OTOF: variants seen among roughly 807,000 people sequenced by gnomAD.
The protein encoded by OTOF is fer-1-like family member 2.
In OTOF, 218 loss-of-function variants were observed where a neutral mutation model predicts 236.8. The ratio of observed to expected loss-of-function variants is 0.92; its 90% CI spans 0.82 to 1.03. OTOF has a LOEUF of 1.03. OTOF is among the 50% of genes least tolerant of loss of function. The pLI is 0.00. For synonymous variants in OTOF, 1,041 were observed against 1,072.5 expected, an observed-to-expected ratio of 0.97 and a Z score of 0.57; for missense variants, 2,590 against 2,694.4, an observed-to-expected ratio of 0.96 and a Z score of 0.86.
chr2:26,511,469 A>G (rs900889459), intron 5 of OTOF, among the ~76,000 whole-genome samples: 5 of 152,242 alleles, frequency 3.3e-5, no homozygotes, highest in African/African-American at 1.2e-4. Context: ...AAGACAGGAA[A>G]GTGAATAACA....
At chr2:26,474,145 A>G in intron 26 of OTOF, 35 bp from the exon 27 acceptor site, 1 of 1,612,190 alleles carries the variant, frequency 6.2e-7, no homozygotes, top group Non-Finnish European at 8.5e-7. Flanking sequence ...CACACTGGGG[A>G]GCCCAGGGAC....
chr2:26,516,933 C>A (rs970568669), intron 4 of OTOF, among the ~76,000 whole-genome samples: 1 of 152,154 alleles, frequency 6.6e-6, no homozygotes, highest in Non-Finnish European at 1.5e-5. Flanking sequence ...TCTACATAAC[C>A]GAGAGTGTCG....
intron 8 of OTOF, among the ~76,000 whole-genome samples, chr2:26,496,651 A>T (rs1665994292): frequency 6.6e-6 from 1 of 152,050 alleles, no homozygotes; most frequent in African/African-American, 2.4e-5. Context: ...CCGAACCCTC[A>T]TTTTAAGCCA....
Position 26,482,518 on chromosome 2 carries a change from G to A in OTOF, c.1467C>T (p.Pro489=). The A allele has an allele frequency of 1.9e-6, 3 of 1,613,390 alleles. No homozygotes were observed. In the South Asian group the frequency reaches 3.3e-5, roughly 18 times the overall value. The part of the protein sequence containing the change: ...NEQVVFTDLF[P]PLCKRMKVQI... ...GCACCTTCATGCGTTTGCAGAGTGG[G>A]GGGAAGAGGTCTGTAAAGACGACCT... The change falls in exon 14 of 47, where the codon CCC becomes CCT. Residue 489 remains proline, a synonymous_variant. Transcript: ENST00000272371.
At chr2:26,537,584 T>A (rs2148122678) in intron 2 of OTOF, 132 bp downstream of exon 2, 1 of 725,826 alleles carries the variant, frequency 1.4e-6, no homozygotes, top group Non-Finnish European at 2.5e-6. Flanking sequence ...AGGAAGCAGC[T>A]GAGAGGTGAG....
At chr2:26,519,558 C>A (rs112797809) in intron 3 of OTOF, among the ~76,000 whole-genome samples, 1,657 of 152,276 alleles carry the variant, frequency 0.011, 30 homozygotes, top group African/African-American at 0.037. Flanking sequence ...TCATCCATTC[C>A]ACATCTGCAG....
chr2:26,464,130 G>A, intron 39 of OTOF, 24 bp from the exon 40 acceptor site: 1 of 1,612,444 alleles, frequency 6.2e-7, no homozygotes. Context: ...CGGCTCAGCT[G>A]CACACATGGC....
intron 8 of OTOF, among the ~76,000 whole-genome samples, chr2:26,495,442 T>C (rs1006585119): frequency 2.2e-4 from 34 of 152,132 alleles, no homozygotes; most frequent in African/African-American, 8.0e-4. Flanking sequence ...TTTTTATTTT[T>C]TTGATGGAGT....
chr2:26,477,681 C>A lies in OTOF; in HGVS notation c.2283G>T (p.Arg761=). 1 of 1,612,578 alleles carries A rather than the reference C, an allele frequency of 6.2e-7. No homozygotes were observed. The change falls in exon 19 of 47, where the codon CGG becomes CGT. Residue 761 remains arginine, a synonymous_variant. Coordinates refer to ENST00000272371, the MANE Select transcript of OTOF (RefSeq NM_194248.3). This position sits in a 1 kb window ranked among gnomAD's most constrained non-coding sequence, Gnocchi z 4.7. ...TEKSYPERRL[R]GVLEELSCGC... ...CACAGCTCAGCTCCTCCAGGACGCC[C>A]CGCAGGCGACGCTCAGGGTAGGACT...
Position 26,476,992 on chromosome 2 carries a change from G to A in OTOF, c.2575C>T (p.Arg859Cys), listed in dbSNP as rs199603169. The change falls in exon 22 of 47, where the codon CGT becomes TGT. Residue 859 changes from arginine (R) to cysteine (C), a missense_variant. Transcript: ENST00000272371. ...GAGGGCACACGGGCATAGGCGACAC[G>A]CTTGTTGTTGCTCATCATCCAGATG... ...IFIWMMSNNKRVAYARVPSKD... is the reference protein window; with the variant it reads ...IFIWMMSNNKCVAYARVPSKD... The A allele has an allele frequency of 2.5e-4, 408 of 1,611,336 alleles. No individual in the cohort carries two copies. The highest frequency in any genetic ancestry group is 3.1e-4 in the Non-Finnish European group (369 of 1,179,396).
intron 38 of OTOF, among the ~76,000 whole-genome samples, 172 bp downstream of exon 38, chr2:26,465,500 A>T (rs980571663): frequency 6.6e-6 from 1 of 151,998 alleles, no homozygotes; most frequent in African/African-American, 2.4e-5. Context: ...TTGTTTTGGG[A>T]TCTGCAGTCC....
intron 1 of OTOF, among the ~76,000 whole-genome samples, chr2:26,557,065 T>A (rs2148142226): frequency 6.6e-6 from 1 of 152,278 alleles, no homozygotes; most frequent in East Asian, 1.9e-4. Flanking sequence ...AACCTCCGCC[T>A]GCCGGCAGGG....
intron 2 of OTOF, among the ~76,000 whole-genome samples, chr2:26,532,510 C>T (rs528368839): frequency 7.9e-5 from 12 of 152,216 alleles, no homozygotes; most frequent in South Asian, 4.1e-4. Context: ...CTGTGCATGA[C>T]GCTGTGCAGA....
intron 1 of OTOF, among the ~76,000 whole-genome samples, chr2:26,551,646 C>A (rs1667465072): frequency 6.6e-6 from 1 of 152,226 alleles, no homozygotes; most frequent in East Asian, 1.9e-4. Flanking sequence ...TCCCCACCAT[C>A]CCCCAGTGCG....
At chr2:26,522,913 T>C (rs927750489) in intron 3 of OTOF, among the ~76,000 whole-genome samples, 2 of 152,226 alleles carry the variant, frequency 1.3e-5, no homozygotes, top group African/African-American at 2.4e-5. Flanking sequence ...CAGGAGGCTG[T>C]CTGGCCCCAC....
chr2:26,476,078 C>A lies in OTOF; in HGVS notation c.2867-40G>T, dbSNP rs778059897. On this transcript the variant is annotated intron_variant, in intron 23 of 46. Coordinates refer to ENST00000272371, the MANE Select transcript of OTOF (RefSeq NM_194248.3). ...AGCCTGAGGTTCCAGGATGGGCAGC[C>A]CCTCCGGCCCCCTCCCAGGTGAGGC... 1.2e-5 allele frequency: 20 copies of A among 1,611,462 alleles called. No homozygotes were observed. The Middle Eastern group carries it at 2.1e-3, about 173-fold the overall frequency.
chr2:26,519,173 C>T (rs1558511661), intron 3 of OTOF, 64 bp from the exon 4 acceptor site: 3 of 1,099,096 alleles, frequency 2.7e-6, no homozygotes, highest in Non-Finnish European at 4.1e-6. Flanking sequence ...GCAAGACTGA[C>T]ATCCCAAGGG....
chr2:26,489,442 G>T (rs1402017574), intron 10 of OTOF, 147 bp from the exon 11 acceptor site: 6 of 742,470 alleles, frequency 8.1e-6, no homozygotes, highest in South Asian at 7.4e-5. Context: ...AGCTCCTCCT[G>T]CCCACGCCAG....
chr2:26,480,981 C>T lies in OTOF; in HGVS notation c.1608G>A (p.Trp536Ter). 1 of 1,609,928 alleles carries T rather than the reference C, an allele frequency of 6.2e-7. No homozygotes were observed. The highest frequency in any genetic ancestry group is 8.5e-7 in the Non-Finnish European group (1 of 1,178,790). ...KGFLPTLGPA[W>*]VNMYGSTRNY... Reference sequence around the variant, plus strand: ...TACGTGTGGAGCCGTACATGTTCACCCAGGCTGGGCCCAGTGTGGGCAGGA... The same window carrying T: ...TACGTGTGGAGCCGTACATGTTCACTCAGGCTGGGCCCAGTGTGGGCAGGA... The change falls in exon 15 of 47, where the codon TGG becomes TGA. Residue 536 changes from tryptophan to a stop codon, truncating the protein, a stop_gained. Coordinates refer to ENST00000272371, the MANE Select transcript of OTOF (RefSeq NM_194248.3). LOFTEE classifies it high-confidence loss of function.
Sources: gnomAD v4.1 joint callset for allele counts (sites outside exome capture counted in the v4.1 genomes callset) on GRCh38, gnomAD v4.1.1 for gene constraint, Gnocchi (gnomAD v3.1) non-coding constraint, MANE v1.5 for transcripts, NCBI Gene and HGNC (gene_info 2026-07-23, HGNC 2026-07-21) for gene names.